CMIP: variants seen among roughly 807,000 people sequenced by gnomAD.
CMIP encodes the protein c-Maf inducing protein, also known as C-Maf-inducing protein.
Under a neutral mutation model 97.3 loss-of-function variants are expected in CMIP, and 13 were observed. The observed-to-expected ratio is 0.13, with a 90% CI of 0.09 to 0.21. The LOEUF (loss-of-function observed/expected upper bound fraction) is 0.21, where lower values mean the gene tolerates loss of function less well. CMIP is among the 10% of genes least tolerant of loss of function. The pLI, the probability that CMIP is intolerant of heterozygous loss-of-function variation, is 1.00. For synonymous variants in CMIP, 538 were observed against 436.3 expected (o/e 1.23, Z -2.91); for missense variants, 847 against 1,024.9 (o/e 0.83, Z 2.37).
rs984253215 is a variant in CMIP at position 81,527,086 on chromosome 16, A to G, written c.301-80481A>G. Among the ~76,000 whole-genome samples the G allele has an allele frequency of 2.0e-5, 3 of 152,194 alleles. No homozygotes were observed. In the East Asian group the frequency reaches 5.8e-4, roughly 29 times the overall value. ...ACACGCGCGGGCCAGGCAGGCCTGG[A>G]CCTGAAAGGAATGTGTTTTCTTGGT... On this transcript the variant is annotated intron_variant, in intron 1 of 20. Transcript: ENST00000537098.
At chr16:81,692,519 C>A (rs1400829079) in intron 11 of CMIP, among the ~76,000 whole-genome samples, 4 of 152,226 alleles carry the variant, frequency 2.6e-5, no homozygotes, top group African/African-American at 9.6e-5. Context: ...CGGGAGGCAG[C>A]TGGGGCTCTC....
In CMIP at chr16:81,454,735, C is replaced by T. The variant is rs538344360; in HGVS notation, c.300+9194C>T. On this transcript the variant is annotated intron_variant, in intron 1 of 20. Transcript: ENST00000537098. ...AAATGGGGGTATTACAATTATGATA[C>T]ACCATTGAACAAAGCACATTGCTTA... Among the ~76,000 whole-genome samples the T allele has an allele frequency of 2.7e-4, 41 of 152,342 alleles. 1 individual carries two copies. The highest frequency in any genetic ancestry group is 2.7e-3 in the Admixed American group (41 of 15,298).
At chr16:81,539,612 C>T (rs527296386) in intron 1 of CMIP, among the ~76,000 whole-genome samples, 3 of 152,208 alleles carry the variant, frequency 2.0e-5, no homozygotes, top group Non-Finnish European at 2.9e-5. Context: ...TACTGCACCT[C>T]GGAGCTCCTT....
chr16:81,641,124 C>A (rs939767807), intron 3 of CMIP, among the ~76,000 whole-genome samples: 6 of 152,174 alleles, frequency 3.9e-5, no homozygotes, highest in Non-Finnish European at 8.8e-5. Context: ...CCCAGCTCTG[C>A]TGAGCTGGAA....
intron 3 of CMIP, among the ~76,000 whole-genome samples, chr16:81,626,782 A>AGT (rs2092073626): frequency 1.5e-5 from 1 of 66,552 alleles, no homozygotes; most frequent in African/African-American, 4.9e-5. Flanking sequence ...TGACAGAGAG[A>AGT]GAGAGAGTGT....
At chr16:81,592,561 C>G (rs776679693) in intron 1 of CMIP, among the ~76,000 whole-genome samples, 1 of 152,182 alleles carries the variant, frequency 6.6e-6, no homozygotes, top group African/African-American at 2.4e-5. Context: ...TTTGCACTCC[C>G]CATTACTTTG....
intron 7 of CMIP, among the ~76,000 whole-genome samples, chr16:81,667,766 A>AAGAGAG (rs59388984): frequency 2.1e-3 from 183 of 85,178 alleles, no homozygotes; most frequent in African/African-American, 3.3e-3. Flanking sequence ...GAGGGAGAGA[A>AAGAGAG]AGAGAGAGAG....
Position 81,499,910 on chromosome 16 carries a change from A to T in CMIP, c.300+54369A>T, listed in dbSNP as rs189779276. ...ATTTTGGCCCTATGGGAGGCATCCA[A>T]ACTCCTCTGCCCTTGCCTTCCGGGG... On this transcript the variant is annotated intron_variant, in intron 1 of 20. Coordinates refer to ENST00000537098, the MANE Select transcript of CMIP (RefSeq NM_198390.3). Among the ~76,000 whole-genome samples the T allele has an allele frequency of 2.0e-3, 300 of 152,300 alleles. 2 individuals carry two copies. The highest frequency in any genetic ancestry group is 3.6e-3 in the Non-Finnish European group (244 of 68,020).
intron 1 of CMIP, among the ~76,000 whole-genome samples, chr16:81,578,122 A>G (rs367632221): frequency 0.011 from 1,635 of 150,060 alleles, 38 homozygotes; most frequent in African/African-American, 0.038. Context: ...TATTATCACT[A>G]TCACCATCAC....
chr16:81,705,970 T>C (rs1192532132), intron 19 of CMIP, among the ~76,000 whole-genome samples: 14 of 152,114 alleles, frequency 9.2e-5, no homozygotes, highest in Non-Finnish European at 2.9e-5. Flanking sequence ...TGGGGGCTGG[T>C]CAGAAATGTA....
At chr16:81,450,495 G>T (rs1235298698) in intron 1 of CMIP, among the ~76,000 whole-genome samples, 2 of 152,136 alleles carry the variant, frequency 1.3e-5, no homozygotes, top group Non-Finnish European at 2.9e-5. Context: ...GGATAGATAA[G>T]CACCTACTAG....
At chr16:81,547,893 G>A (rs1480584488) in intron 1 of CMIP, among the ~76,000 whole-genome samples, 1 of 152,164 alleles carries the variant, frequency 6.6e-6, no homozygotes, top group African/African-American at 2.4e-5. Context: ...GGAATGCCCA[G>A]GGAGCCAGGC....
At chr16:81,630,269 A>G (rs575122900) in intron 3 of CMIP, 2 of 152,390 alleles carry the variant, frequency 1.3e-5, no homozygotes, top group South Asian at 4.1e-4. Context: ...ACAGAGGAAA[A>G]CAGGCTCTTG....
At chr16:81,581,065 T>C (rs1420999342) in intron 1 of CMIP, among the ~76,000 whole-genome samples, 26 of 152,196 alleles carry the variant, frequency 1.7e-4, no homozygotes, top group Admixed American at 1.7e-3. Context: ...CTCAGCGTCA[T>C]GTTGTCAGGG....
chr16:81,679,183 C>T (rs1005100669), intron 10 of CMIP, among the ~76,000 whole-genome samples: 1 of 151,994 alleles, frequency 6.6e-6, no homozygotes, highest in Admixed American at 6.6e-5. Context: ...CGACAGCACA[C>T]GTGGTCTGCC....
At chr16:81,597,779 G>T (rs1317192567) in intron 1 of CMIP, among the ~76,000 whole-genome samples, 1 of 152,046 alleles carries the variant, frequency 6.6e-6, no homozygotes, top group Non-Finnish European at 1.5e-5. Context: ...ATGCCCAGTG[G>T]CACATATGAA....
At chr16:81,533,312 A>C (rs1171738973) in intron 1 of CMIP, among the ~76,000 whole-genome samples, 2 of 152,210 alleles carry the variant, frequency 1.3e-5, no homozygotes, top group Non-Finnish European at 2.9e-5. Context: ...GTTTTGAGTG[A>C]GTGAACGAAT....
At chr16:81,691,660 C>G in intron 10 of CMIP, 115 bp from the exon 11 acceptor site, 7 of 775,998 alleles carry the variant, frequency 9.0e-6, no homozygotes, top group Non-Finnish European at 1.4e-5. Flanking sequence ...GAAGTCAGTG[C>G]CACTGACTAC....
At chr16:81,644,323 G>A (rs1260569923) in intron 3 of CMIP, among the ~76,000 whole-genome samples, 1 of 152,200 alleles carries the variant, frequency 6.6e-6, no homozygotes, top group Non-Finnish European at 1.5e-5. Flanking sequence ...CACCGAGGCT[G>A]ATTTTGTGAC....
Sources: allele counts gnomAD v4.1 joint callset (sites outside exome capture counted in the v4.1 genomes callset), GRCh38; gene constraint gnomAD v4.1.1; transcripts MANE v1.5; gene names NCBI Gene and HGNC (gene_info 2026-07-23, HGNC 2026-07-21).